The following GUCY1A2 variants were observed in gnomAD, a reference collection of about 807,000 sequenced individuals.
The protein encoded by GUCY1A2 is guanylate cyclase 1 soluble subunit alpha 2.
Under a neutral mutation model 63.5 loss-of-function variants are expected in GUCY1A2, and 27 were observed. The observed-to-expected ratio is 0.43, with a 90% CI of 0.31 to 0.59. GUCY1A2 has a LOEUF of 0.59. Among genes scored for constraint, GUCY1A2 ranks in the 20% least tolerant of loss-of-function variants. The probability of loss-of-function intolerance (pLI) is 0.11; values close to 1 mark genes in which losing one functional copy is unlikely to be tolerated. For missense variants in GUCY1A2, 768 were observed against 913.3 expected (o/e 0.84, Z 2.05); for synonymous variants, 364 against 343.5 (o/e 1.06, Z -0.66).
chr11:106,952,787 G>A (rs1860928370), intron 3 of GUCY1A2, among the ~76,000 whole-genome samples: 1 of 151,874 alleles, frequency 6.6e-6, no homozygotes. Context: ...CTACAGGTGT[G>A]CACTACCACA....
intron 6 of GUCY1A2, among the ~76,000 whole-genome samples, chr11:106,749,734 C>T (rs1455666750): frequency 6.6e-6 from 1 of 152,052 alleles, no homozygotes; most frequent in African/African-American, 2.4e-5. Flanking sequence ...ACCTTGAAAA[C>T]GTACTCGTAC....
chr11:106,964,933 T>C (rs936827541), intron 3 of GUCY1A2, among the ~76,000 whole-genome samples: 7 of 152,068 alleles, frequency 4.6e-5, no homozygotes, highest in Non-Finnish European at 5.9e-5. Flanking sequence ...TGAGCCGAGA[T>C]TGCACCACTG....
At chr11:106,838,955 T>A (rs2135441938) in intron 4 of GUCY1A2, among the ~76,000 whole-genome samples, 1 of 152,238 alleles carries the variant, frequency 6.6e-6, no homozygotes, top group East Asian at 1.9e-4. Context: ...TAGTTTCTTT[T>A]GCTGTGCAGA....
chr11:106,722,038 A>G (rs1398739180), intron 6 of GUCY1A2, among the ~76,000 whole-genome samples: 1 of 152,200 alleles, frequency 6.6e-6, no homozygotes, highest in Non-Finnish European at 1.5e-5. Flanking sequence ...CAATCTTTAA[A>G]TGTTTGTTGA....
At chr11:106,951,584 GTTGT>G (rs1272888708) in intron 3 of GUCY1A2, among the ~76,000 whole-genome samples, 3 of 152,118 alleles carry the variant, frequency 2.0e-5, no homozygotes, top group African/African-American at 7.2e-5. Context: ...TTATGATGGG[GTTGT>G]TTGGTTTTGT....
chr11:106,745,236 A>G (rs1409427293), intron 6 of GUCY1A2, among the ~76,000 whole-genome samples: 1 of 152,192 alleles, frequency 6.6e-6, no homozygotes, highest in Non-Finnish European at 1.5e-5. Flanking sequence ...ATGGCATTCT[A>G]TATTTAAAAG....
At chr11:106,843,636 T>C (rs1859231384) in intron 4 of GUCY1A2, among the ~76,000 whole-genome samples, 1 of 151,912 alleles carries the variant, frequency 6.6e-6, no homozygotes. Context: ...AGGTTCTACT[T>C]CTTCAAACAC....
intron 5 of GUCY1A2, among the ~76,000 whole-genome samples, chr11:106,776,879 T>C (rs1591272034): frequency 6.6e-6 from 1 of 152,146 alleles, no homozygotes; most frequent in South Asian, 2.1e-4. Context: ...GTATTTTGCC[T>C]AGATAATTTC....
chr11:106,710,946 G>A (rs892429883), intron 6 of GUCY1A2, among the ~76,000 whole-genome samples: 1 of 152,020 alleles, frequency 6.6e-6, no homozygotes, highest in East Asian at 1.9e-4. Context: ...TGGGGCTGGA[G>A]ACTTCTGCAT....
At chr11:106,952,562 T>G (rs1309895897) in intron 3 of GUCY1A2, among the ~76,000 whole-genome samples, 3 of 152,016 alleles carry the variant, frequency 2.0e-5, no homozygotes, top group Non-Finnish European at 2.9e-5. Flanking sequence ...TGTAAAGGAG[T>G]GACTGTGATT....
intron 3 of GUCY1A2, among the ~76,000 whole-genome samples, chr11:106,973,413 A>T (rs545598756): frequency 2.0e-5 from 3 of 152,264 alleles, no homozygotes; most frequent in African/African-American, 7.2e-5. Context: ...AATCTAAAGA[A>T]CAATCCTAGT....
At chr11:106,818,023 G>A (rs550928940) in intron 4 of GUCY1A2, among the ~76,000 whole-genome samples, 2 of 152,182 alleles carry the variant, frequency 1.3e-5, no homozygotes, top group Admixed American at 1.3e-4. Flanking sequence ...TCAAATGACA[G>A]TAATCTGCAC....
chr11:106,805,285 G>T (rs1858667490), intron 5 of GUCY1A2, among the ~76,000 whole-genome samples: 1 of 147,794 alleles, frequency 6.8e-6, no homozygotes, highest in Admixed American at 6.7e-5. Flanking sequence ...TCACTCTGTT[G>T]CCCAGGCTGG....
At chr11:106,837,686 G>T (rs1591296784) in intron 4 of GUCY1A2, among the ~76,000 whole-genome samples, 1 of 151,830 alleles carries the variant, frequency 6.6e-6, no homozygotes, top group Non-Finnish European at 1.5e-5. Context: ...TGTATTTATT[G>T]AAAAAAGAAT....
At chr11:106,976,375 A>C (rs1237352120) in intron 3 of GUCY1A2, among the ~76,000 whole-genome samples, 1 of 152,198 alleles carries the variant, frequency 6.6e-6, no homozygotes. Context: ...CAGTAAGCTG[A>C]CCAATTCTTT....
intron 5 of GUCY1A2, among the ~76,000 whole-genome samples, chr11:106,805,544 C>T (rs1858672399): frequency 6.6e-6 from 1 of 152,162 alleles, no homozygotes; most frequent in African/African-American, 2.4e-5. Flanking sequence ...CCGTGCCTGG[C>T]CATCACTAAC....
rs765308307 is a variant in GUCY1A2 at position 106,686,166 on chromosome 11, A to G, written c.*1383T>C. On this transcript the variant is annotated 3_prime_UTR_variant, in exon 8 of 8. Transcript: ENST00000526355. Reference sequence around the variant, plus strand: ...TTAGATTTTATATCTGAACCCAAACAGGAAAACTCTGGACACCTGATGCTC... The same window carrying G: ...TTAGATTTTATATCTGAACCCAAACGGGAAAACTCTGGACACCTGATGCTC... 4.1e-5 allele frequency: 9 copies of G among 217,262 alleles called. No individual in the cohort carries two copies. The highest frequency in any genetic ancestry group is 2.9e-4 in the Admixed American group (5 of 17,234). 13.5% of individuals were successfully genotyped at this position (217,262 alleles called of 1,614,324 possible).
chr11:106,820,675 G>T (rs960186311), intron 4 of GUCY1A2, among the ~76,000 whole-genome samples: 9 of 152,156 alleles, frequency 5.9e-5, no homozygotes, highest in Admixed American at 2.6e-4. Flanking sequence ...CGGGATTATA[G>T]GCATGACCCA....
intron 1 of GUCY1A2, among the ~76,000 whole-genome samples, chr11:106,986,576 G>T (rs1483516499): frequency 1.3e-5 from 2 of 152,108 alleles, no homozygotes; most frequent in Non-Finnish European, 2.9e-5. Context: ...TTTTAACAAG[G>T]TTTTCAAGGA....
Sources: allele counts gnomAD v4.1 joint callset (sites outside exome capture counted in the v4.1 genomes callset), GRCh38; gene constraint gnomAD v4.1.1; transcripts MANE v1.5; gene names NCBI Gene and HGNC (gene_info 2026-07-23, HGNC 2026-07-21).